The following EFCAB13 variants were observed in gnomAD, a reference collection of about 807,000 sequenced individuals.
EFCAB13 encodes the protein EF-hand calcium-binding domain-containing protein 13.
EFCAB13 carries 91 observed loss-of-function variants against 110.2 expected under a neutral mutation model. The observed-to-expected ratio is 0.83, with a 90% confidence interval of 0.70 to 0.98. The LOEUF (loss-of-function observed/expected upper bound fraction) is 0.98, where lower values mean the gene tolerates loss of function less well. Ranked by LOEUF, EFCAB13 falls within the 50% of genes least tolerant of loss-of-function variation. EFCAB13 has a pLI of 0.00. For synonymous variants in EFCAB13, 323 were observed against 369.9 expected (o/e 0.87, Z 1.45); for missense variants, 968 against 1,119.4 (o/e 0.86, Z 1.93).
At chr17:47,412,243 A>T (rs928386254) in intron 21 of EFCAB13, among the ~76,000 whole-genome samples, 3 of 152,262 alleles carry the variant, frequency 2.0e-5, no homozygotes, top group African/African-American at 7.2e-5. Flanking sequence ...GAGAGAGCAT[A>T]AGTGGAGGCT....
intron 20 of EFCAB13, among the ~76,000 whole-genome samples, chr17:47,409,152 A>C (rs1220313671): frequency 6.6e-6 from 1 of 152,124 alleles, no homozygotes; most frequent in African/African-American, 2.4e-5. Flanking sequence ...TGTTCCTCAG[A>C]TCTCTACACC....
intron 9 of EFCAB13, among the ~76,000 whole-genome samples, chr17:47,354,103 T>C (rs2143296773): frequency 6.6e-6 from 1 of 152,324 alleles, no homozygotes; most frequent in African/African-American, 2.4e-5. Flanking sequence ...TTCAAAGATT[T>C]TTTAAATTTC....
At chr17:47,423,534 C>G in intron 23 of EFCAB13, 1 of 289,638 alleles carries the variant, frequency 3.5e-6, no homozygotes, top group Non-Finnish European at 6.4e-6. Flanking sequence ...TCCCGATCCC[C>G]GGCCGTGCCA....
intron 17 of EFCAB13, among the ~76,000 whole-genome samples, chr17:47,399,859 C>T (rs72829619): frequency 0.088 from 13,350 of 152,088 alleles, 837 homozygotes; most frequent in East Asian, 0.35. Flanking sequence ...AATATCTAGT[C>T]ATGTAGCTTA....
rs755960173 is a variant in EFCAB13, at chr17:47,404,049, T to G, written c.2161+28T>G. On this transcript the variant is annotated intron_variant, in intron 19 of 24. Transcript: ENST00000331493. ...AAGCATTTTAAATATTACTCTCAGG[T>G]TTTTTTTTTGTAGGAGTAAAGAAGA... 9.2e-6 allele frequency: 12 copies of G among 1,309,206 alleles called. No individual in the cohort carries two copies. The South Asian group carries it at 9.6e-5, about 10-fold the overall frequency. The allele number at this position is 1,309,206 out of a possible 1,614,324, so 81.1% of individuals were successfully genotyped here. A position where few individuals can be genotyped will look rare whatever the true frequency, so the allele number is the denominator to read the frequency against.
chr17:47,427,275 A>G (rs147064263), intron 23 of EFCAB13, among the ~76,000 whole-genome samples: 4 of 152,256 alleles, frequency 2.6e-5, no homozygotes, highest in Non-Finnish European at 5.9e-5. Context: ...GAATTAGAAG[A>G]CAATTGGCAA....
At position 47,440,423 on chromosome 17, in the gene EFCAB13, C is replaced by G. The variant is rs746844725; in HGVS notation, c.2639-8C>G. The G allele has an allele frequency of 1.9e-6, 3 of 1,565,004 alleles. No individual in the cohort carries two copies. The highest frequency in any genetic ancestry group is 2.6e-6 in the Non-Finnish European group (3 of 1,160,560). On this transcript the variant is annotated splice_polypyrimidine_tract_variant and splice_region_variant and intron_variant, in intron 24 of 24. Transcript: ENST00000331493. The stretch of plus-strand genomic sequence containing the variant: ...TTTCTTTTAAGTAAATTATGCTTTG[C>G]CTTACAGAAAGTGGCAAGGTTAGCA...
intron 10 of EFCAB13, 81 bp downstream of exon 10, chr17:47,361,602 G>C (rs1171033891): frequency 3.2e-6 from 4 of 1,258,922 alleles, no homozygotes; most frequent in Non-Finnish European, 4.4e-6. Context: ...TCAATTTTGT[G>C]ATCTGTCCTT....
chr17:47,328,446 A>G, intron 4 of EFCAB13, 63 bp downstream of exon 4: 1 of 1,321,414 alleles, frequency 7.6e-7, no homozygotes, highest in Admixed American at 2.2e-5. Context: ...AGTTTACATT[A>G]CCTCATATTC....
chr17:47,435,960 T>C lies in EFCAB13; in HGVS notation c.2639-4471T>C, dbSNP rs921947969. Among the ~76,000 whole-genome samples, 5 of 152,186 alleles carry C rather than the reference T, an allele frequency of 3.3e-5. No homozygotes were observed. The East Asian group carries it at 7.7e-4, about 23-fold the overall frequency. ...TTTTATTACATTAAGGTATGTCCCT[T>C]GTATGCCTATTTTGCTGAGGGTTTT... On this transcript the variant is annotated intron_variant, in intron 24 of 24. Coordinates refer to ENST00000331493, the MANE Select transcript of EFCAB13 (RefSeq NM_152347.5).
intron 9 of EFCAB13, among the ~76,000 whole-genome samples, chr17:47,350,598 TGTG>T (rs1404136591): frequency 1.3e-5 from 2 of 149,786 alleles, no homozygotes; most frequent in African/African-American, 2.4e-5. Context: ...TGTGTGTGTG[TGTG>T]TTTTTTTTTC....
chr17:47,424,491 A>G (rs1466074559), intron 23 of EFCAB13, among the ~76,000 whole-genome samples: 1 of 152,224 alleles, frequency 6.6e-6, no homozygotes, highest in East Asian at 1.9e-4. Context: ...GGAGGCAGAA[A>G]AGACCACTGA....
At chr17:47,440,394 A>G in intron 24 of EFCAB13, 37 bp from the exon 25 acceptor site, 1 of 1,510,942 alleles carries the variant, frequency 6.6e-7, no homozygotes, top group Non-Finnish European at 8.8e-7. Flanking sequence ...TGAAACAATA[A>G]TTCTTTCTTT....
intron 19 of EFCAB13, 76 bp from the exon 20 acceptor site, chr17:47,404,486 G>A: frequency 9.2e-7 from 1 of 1,085,064 alleles, no homozygotes; most frequent in South Asian, 1.4e-5. Flanking sequence ...TAAGTCATAT[G>A]CTGATTTTGA....
intron 10 of EFCAB13, among the ~76,000 whole-genome samples, chr17:47,368,699 A>G (rs564324441): frequency 9.8e-5 from 15 of 152,362 alleles, no homozygotes; most frequent in Non-Finnish European, 2.2e-4. Flanking sequence ...ATTAAGCCAG[A>G]TAAACCCAGT....
chr17:47,363,490 C>T (rs72825661), intron 10 of EFCAB13, among the ~76,000 whole-genome samples: 13,220 of 149,014 alleles, frequency 0.089, 841 homozygotes, highest in East Asian at 0.35. Flanking sequence ...AGGGAGCTCA[C>T]GTTCAAGTGT....
chr17:47,340,745 G>A (rs4968317), intron 5 of EFCAB13, among the ~76,000 whole-genome samples: 76,835 of 145,864 alleles, frequency 0.53, 20,732 homozygotes, highest in Middle Eastern at 0.59. Context: ...AACTACAGGC[G>A]TGCACCACCA....
chr17:47,371,234 G>T (rs1427352158), intron 11 of EFCAB13, among the ~76,000 whole-genome samples: 5 of 151,922 alleles, frequency 3.3e-5, no homozygotes, highest in Non-Finnish European at 7.4e-5. Context: ...GTTTAATATA[G>T]TCTCATTTGT....
intron 8 of EFCAB13, among the ~76,000 whole-genome samples, chr17:47,345,337 A>T (rs1446377923): frequency 6.6e-6 from 1 of 152,076 alleles, no homozygotes; most frequent in African/African-American, 2.4e-5. Context: ...TACTAGTTCA[A>T]ATGTATTTTT....
Sources: gnomAD v4.1 joint callset for allele counts (sites outside exome capture counted in the v4.1 genomes callset) on GRCh38, gnomAD v4.1.1 for gene constraint, MANE v1.5 for transcripts, NCBI Gene and HGNC (gene_info 2026-07-23, HGNC 2026-07-21) for gene names.